Variants in NRXN3 observed in about 807,000 individuals in gnomAD.
NRXN3 encodes neurexin 3.
NRXN3 carries 32 observed loss-of-function variants against 137.6 expected under a neutral mutation model. The observed-to-expected ratio is 0.23, with a 90% CI of 0.18 to 0.31. NRXN3 has a LOEUF of 0.31. Ranked by LOEUF, NRXN3 falls within the 10% of genes least tolerant of loss-of-function variation. The probability of loss-of-function intolerance (pLI) is 1.00; values close to 1 mark genes in which losing one functional copy is unlikely to be tolerated. For synonymous variants in NRXN3, 798 were observed against 784.5 expected (o/e 1.02, Z -0.29); for missense variants, 1,574 against 2,062.5 (o/e 0.76, Z 4.59).
chr14:79,860,171 GAT>G (rs1266138952), intron 20 of NRXN3, among the ~76,000 whole-genome samples: 5 of 152,166 alleles, frequency 3.3e-5, no homozygotes, highest in Non-Finnish European at 7.3e-5. Context: ...TGGGTAAACA[GAT>G]ATGTTTTTGC....
At chr14:79,842,442 G>T (rs545440828) in intron 20 of NRXN3, among the ~76,000 whole-genome samples, 12 of 152,126 alleles carry the variant, frequency 7.9e-5, no homozygotes, top group Admixed American at 5.9e-4. Flanking sequence ...TATGGCCAGA[G>T]CCCGAGATAT....
intron 8 of NRXN3, among the ~76,000 whole-genome samples, chr14:78,776,638 G>T (rs1425702509): frequency 6.6e-6 from 1 of 152,016 alleles, no homozygotes. Context: ...ACAAAATGTT[G>T]GTCAGCAGAG....
chr14:79,298,406 TG>T (rs2084564103), intron 15 of NRXN3, among the ~76,000 whole-genome samples: 1 of 152,114 alleles, frequency 6.6e-6, no homozygotes, highest in African/African-American at 2.4e-5. Flanking sequence ...TGTGGCTCCA[TG>T]GCTTCTAGCT....
At chr14:79,295,361 T>C (rs1412803109) in intron 15 of NRXN3, among the ~76,000 whole-genome samples, 1 of 152,028 alleles carries the variant, frequency 6.6e-6, no homozygotes, top group African/African-American at 2.4e-5. Flanking sequence ...TAAAAAGCAC[T>C]CTTTTTTAGA....
intron 15 of NRXN3, among the ~76,000 whole-genome samples, chr14:79,179,436 C>G (rs550654401): frequency 6.6e-6 from 1 of 152,138 alleles, no homozygotes; most frequent in Non-Finnish European, 1.5e-5. Flanking sequence ...CAAATATCTG[C>G]TGGGTGAGTG....
chr14:79,013,408 T>C (rs1055954305), intron 15 of NRXN3, among the ~76,000 whole-genome samples: 1 of 152,174 alleles, frequency 6.6e-6, no homozygotes, highest in South Asian at 2.1e-4. Flanking sequence ...ACTTACATGA[T>C]ATTGGTTTTC....
intron 4 of NRXN3, among the ~76,000 whole-genome samples, chr14:78,313,127 T>G (rs939934331): frequency 1.1e-4 from 16 of 152,300 alleles, no homozygotes; most frequent in African/African-American, 3.1e-4. Flanking sequence ...TTGTCAACTT[T>G]CCAGATCTCT....
chr14:78,420,917 G>A (rs934350641), intron 4 of NRXN3, among the ~76,000 whole-genome samples: 2 of 152,176 alleles, frequency 1.3e-5, no homozygotes, highest in Non-Finnish European at 2.9e-5. Flanking sequence ...TGGGGCAAAG[G>A]CTCAATGTAG....
chr14:79,858,529 C>A (rs2099407571), intron 20 of NRXN3, among the ~76,000 whole-genome samples: 1 of 152,102 alleles, frequency 6.6e-6, no homozygotes, highest in Non-Finnish European at 1.5e-5. Flanking sequence ...AACCTAGTTT[C>A]CTCTTTGCTT....
intron 16 of NRXN3, among the ~76,000 whole-genome samples, chr14:79,482,338 A>G (rs1364249670): frequency 1.3e-5 from 2 of 152,172 alleles, no homozygotes; most frequent in Non-Finnish European, 2.9e-5. Context: ...TCACTGTTAT[A>G]TATTTTGCAA....
chr14:79,243,700 A>C (rs1367842500), intron 15 of NRXN3, among the ~76,000 whole-genome samples: 3 of 152,146 alleles, frequency 2.0e-5, no homozygotes, highest in African/African-American at 7.2e-5. Context: ...TACTGTACTG[A>C]ATATTGGAGG....
intron 1 of NRXN3, among the ~76,000 whole-genome samples, chr14:78,215,774 G>GGC (rs1383757362): frequency 2.2e-5 from 3 of 135,832 alleles, no homozygotes; most frequent in African/African-American, 7.9e-5. Context: ...AGGGGGGTGG[G>GGC]GGGGGCAGGG....
At chr14:79,711,829 C>A (rs984605238) in intron 19 of NRXN3, among the ~76,000 whole-genome samples, 1 of 152,024 alleles carries the variant, frequency 6.6e-6, no homozygotes, top group African/African-American at 2.4e-5. Flanking sequence ...GAAGGGTGGC[C>A]CATATCCAAT....
At chr14:78,570,114 C>T (rs2096876034) in intron 4 of NRXN3, among the ~76,000 whole-genome samples, 1 of 152,164 alleles carries the variant, frequency 6.6e-6, no homozygotes. Context: ...CCCCAAAATT[C>T]ACATGTGGAA....
chr14:79,334,617 ATTT>A (rs1052343677), intron 15 of NRXN3, among the ~76,000 whole-genome samples: 4 of 152,176 alleles, frequency 2.6e-5, no homozygotes, highest in African/African-American at 9.7e-5. Context: ...TTTAATTTAT[ATTT>A]TAAAATCATC....
Position 78,714,951 on chromosome 14 carries a change from G to A in NRXN3, c.1856G>A (p.Arg619His), listed in dbSNP as rs752029799. 1.9e-5 allele frequency: 31 copies of A among 1,614,004 alleles called. No homozygotes were observed. The highest frequency in any genetic ancestry group is 1.7e-4 in the Admixed American group (10 of 60,004). ...ATCCGCGACCTATTCATTGATGGGCGCAGCAAGAACATTCGACAGCTGGCA... is the reference window on the plus strand; with the variant it reads ...ATCCGCGACCTATTCATTGATGGGCACAGCAAGAACATTCGACAGCTGGCA... Reference protein sequence around the residue: ...GCIRDLFIDGRSKNIRQLAEM... With the variant: ...GCIRDLFIDGHSKNIRQLAEM... Residue 619 changes from arginine (R) to histidine (H), a missense_variant, in exon 8 of 21, where the codon CGC becomes CAC. Arg to His is a conservative substitution (Grantham distance 29). Transcript: ENST00000335750.
intron 8 of NRXN3, among the ~76,000 whole-genome samples, chr14:78,802,889 TGAGCGAAGA>T (rs1367159567): frequency 1.8e-4 from 27 of 152,170 alleles, no homozygotes; most frequent in Non-Finnish European, 3.7e-4. Context: ...GAGGCTGCAG[TGAGCGAAGA>T]TCACACTGCT....
At chr14:78,878,262 C>A (rs1314956254) in intron 10 of NRXN3, among the ~76,000 whole-genome samples, 1 of 152,052 alleles carries the variant, frequency 6.6e-6, no homozygotes, top group Non-Finnish European at 1.5e-5. Context: ...GTTTGAAAAC[C>A]ATCGCTATGT....
At chr14:78,295,498 G>A (rs2076221531) in intron 3 of NRXN3, among the ~76,000 whole-genome samples, 1 of 152,124 alleles carries the variant, frequency 6.6e-6, no homozygotes, top group South Asian at 2.1e-4. Context: ...TTTACAAAAG[G>A]GTCCACTGCA....
Sources: gnomAD v4.1 joint callset for allele counts (sites outside exome capture counted in the v4.1 genomes callset) on GRCh38, gnomAD v4.1.1 for gene constraint, MANE v1.5 for transcripts, NCBI Gene and HGNC (gene_info 2026-07-23, HGNC 2026-07-21) for gene names.